The following SEMA3E variants were observed in gnomAD, a reference collection of about 807,000 sequenced individuals.
The protein encoded by SEMA3E is semaphorin 3E, also known as semaphorin-3E.
A neutral mutation model predicts 93.6 loss-of-function variants in SEMA3E; 49 were observed. The ratio of observed to expected loss-of-function variants is 0.52; its 90% CI spans 0.42 to 0.66. SEMA3E has a LOEUF of 0.66. Ranked by LOEUF, SEMA3E falls within the 30% of genes least tolerant of loss-of-function variation. The pLI is 0.00. For missense variants in SEMA3E, 906 were observed against 964.8 expected, an observed-to-expected ratio of 0.94 and a Z score of 0.81; for synonymous variants, 363 against 330.7, an observed-to-expected ratio of 1.10 and a Z score of -1.06.
At chr7:83,623,475 C>G (rs1389509429) in intron 1 of SEMA3E, among the ~76,000 whole-genome samples, 2 of 151,810 alleles carry the variant, frequency 1.3e-5, no homozygotes, top group Non-Finnish European at 2.9e-5. Context: ...ATTTACACAC[C>G]AACATATTAA....
At chr7:83,423,166 T>G (rs1051315071) in intron 4 of SEMA3E, among the ~76,000 whole-genome samples, 1 of 152,196 alleles carries the variant, frequency 6.6e-6, no homozygotes, top group Non-Finnish European at 1.5e-5. Context: ...CCTGAAATTT[T>G]TAGTTATGTA....
At chr7:83,534,883 G>A (rs1353110045) in intron 1 of SEMA3E, among the ~76,000 whole-genome samples, 1 of 152,178 alleles carries the variant, frequency 6.6e-6, no homozygotes, top group African/African-American at 2.4e-5. Context: ...GAAAAGGAAT[G>A]AGGATCTAAA....
intron 1 of SEMA3E, among the ~76,000 whole-genome samples, chr7:83,499,591 GT>G (rs1448729398): frequency 6.6e-6 from 1 of 152,086 alleles, no homozygotes; most frequent in Non-Finnish European, 1.5e-5. Flanking sequence ...TAAGTTTTAA[GT>G]TTTGAAGGTC....
chr7:83,364,709 A>G lies in SEMA3E; in HGVS notation c.*2877T>C, dbSNP rs1271382416. 1 of 152,226 alleles carries G rather than the reference A, an allele frequency of 6.6e-6. No individual in the cohort carries two copies. Among genetic ancestry groups the G allele is most frequent in the Non-Finnish European group, 1.5e-5 (1 of 68,044 alleles). The allele number at this position is 152,226 out of a possible 1,614,324, so 9.4% of individuals were successfully genotyped here. The stretch of plus-strand genomic sequence containing the variant: ...AGTCTATCCACAGGTCCTCTCCTGT[A>G]ACAAAGATAGAAGAGGTCTAAAGAA... On this transcript the variant is annotated 3_prime_UTR_variant, in exon 17 of 17. Coordinates refer to ENST00000643230, the MANE Select transcript of SEMA3E (RefSeq NM_012431.3).
rs949550097 is a variant in SEMA3E at position 83,429,933 on chromosome 7, T to A, written c.457-11450A>T. Among the ~76,000 whole-genome samples the A allele has an allele frequency of 2.6e-5, 4 of 152,174 alleles. No homozygotes were observed. The South Asian group carries it at 8.3e-4, about 31-fold the overall frequency. On this transcript the variant is annotated intron_variant, in intron 4 of 16. Transcript: ENST00000643230. ...GACTTCACTGATATTCTCTAAGAAA[T>A]CTCCAATCAAAATTTCTCCCATGGA...
intron 1 of SEMA3E, among the ~76,000 whole-genome samples, chr7:83,542,185 A>C (rs922831218): frequency 7.0e-6 from 1 of 142,378 alleles, no homozygotes; most frequent in Admixed American, 7.2e-5. Flanking sequence ...TCTATAAAAA[A>C]GTTAAAAAAA....
intron 1 of SEMA3E, among the ~76,000 whole-genome samples, chr7:83,492,142 C>T (rs2115564132): frequency 6.6e-6 from 1 of 152,108 alleles, no homozygotes. Flanking sequence ...TGGTTACGCA[C>T]TAGCTTGAAT....
intron 4 of SEMA3E, among the ~76,000 whole-genome samples, chr7:83,459,208 A>T (rs552171065): frequency 6.6e-6 from 1 of 152,184 alleles, no homozygotes; most frequent in Admixed American, 6.5e-5. Flanking sequence ...AAGATAAAGC[A>T]ATTTTAAAAG....
intron 1 of SEMA3E, among the ~76,000 whole-genome samples, chr7:83,595,771 G>A (rs978325070): frequency 7.2e-5 from 11 of 151,866 alleles, no homozygotes; most frequent in Admixed American, 1.3e-4. Context: ...ATCACATCTC[G>A]GTACATCACG....
At position 83,506,731 on chromosome 7, in the gene SEMA3E, T is replaced by C. The variant is rs1584295888; in HGVS notation, c.116-16457A>G. Among the ~76,000 whole-genome samples the C allele has an allele frequency of 2.0e-5, 3 of 152,230 alleles. No individual in the cohort carries two copies. The East Asian group carries it at 5.8e-4, about 29-fold the overall frequency. Reference sequence around the variant, plus strand: ...ATCTCCTATGCCAAAACATTATTACTCAGAAAACAAGTAAGTTGGCAAATG... The same window carrying C: ...ATCTCCTATGCCAAAACATTATTACCCAGAAAACAAGTAAGTTGGCAAATG... On this transcript the variant is annotated intron_variant, in intron 1 of 16. Transcript: ENST00000643230.
At position 83,545,785 on chromosome 7, in the gene SEMA3E, G is replaced by A. The variant is rs1388656240; in HGVS notation, c.116-55511C>T. 2.7e-5 allele frequency among the ~76,000 whole-genome samples: 4 copies of A among 145,638 alleles called. No individual in the cohort carries two copies. The East Asian group carries it at 7.9e-4, about 29-fold the overall frequency. ...TTTATGTGTGTATCCAGTAGAATGT[G>A]TGTATATATATACAAATATATATCC... On this transcript the variant is annotated intron_variant, in intron 1 of 16. Coordinates refer to ENST00000643230, the MANE Select transcript of SEMA3E (RefSeq NM_012431.3).
chr7:83,591,087 T>C (rs1257927662), intron 1 of SEMA3E, among the ~76,000 whole-genome samples: 1 of 146,220 alleles, frequency 6.8e-6, no homozygotes, highest in East Asian at 2.0e-4. Flanking sequence ...CATTATAAAC[T>C]TTATCTTAGA....
At chr7:83,390,598 G>A (rs1364528826) in intron 14 of SEMA3E, among the ~76,000 whole-genome samples, 1 of 152,000 alleles carries the variant, frequency 6.6e-6, no homozygotes, top group Non-Finnish European at 1.5e-5. Context: ...TTCTATTCAG[G>A]TCTGAAGCAA....
chr7:83,521,365 C>A (rs544429238), intron 1 of SEMA3E, among the ~76,000 whole-genome samples: 2 of 151,984 alleles, frequency 1.3e-5, no homozygotes, highest in African/African-American at 2.4e-5. Context: ...ACAATGAATA[C>A]GAGAAAATTA....
intron 1 of SEMA3E, among the ~76,000 whole-genome samples, chr7:83,521,914 T>C (rs1584306208): frequency 6.6e-6 from 1 of 152,122 alleles, no homozygotes; most frequent in East Asian, 1.9e-4. Flanking sequence ...CAGTTCATTG[T>C]AGGCACTTTT....
chr7:83,553,254 C>A (rs1426566643), intron 1 of SEMA3E, among the ~76,000 whole-genome samples: 3 of 152,080 alleles, frequency 2.0e-5, no homozygotes, highest in African/African-American at 7.2e-5. Context: ...GGTGGGTTCC[C>A]CCAATACTGC....
intron 1 of SEMA3E, among the ~76,000 whole-genome samples, chr7:83,560,301 G>A (rs1390815944): frequency 6.6e-6 from 1 of 152,042 alleles, no homozygotes; most frequent in African/African-American, 2.4e-5. Flanking sequence ...TAAGACGGGA[G>A]GCTACGCATG....
intron 2 of SEMA3E, among the ~76,000 whole-genome samples, chr7:83,477,411 GA>G (rs1479587210): frequency 6.6e-6 from 1 of 151,938 alleles, no homozygotes; most frequent in Non-Finnish European, 1.5e-5. Flanking sequence ...TTAAAAACAA[GA>G]AAATATATTT....
chr7:83,647,052 T>G (rs1794087838), intron 1 of SEMA3E, among the ~76,000 whole-genome samples: 1 of 152,140 alleles, frequency 6.6e-6, no homozygotes, highest in Admixed American at 6.6e-5. Flanking sequence ...ATAGGCATTT[T>G]GATACATACC....
Sources: allele counts gnomAD v4.1 joint callset (sites outside exome capture counted in the v4.1 genomes callset), GRCh38; gene constraint gnomAD v4.1.1; transcripts MANE v1.5; gene names NCBI Gene and HGNC (gene_info 2026-07-23, HGNC 2026-07-21).